Variants in TMEM161B observed in about 807,000 individuals in gnomAD.
TMEM161B encodes the protein transmembrane protein 161B.
TMEM161B carries 34 observed loss-of-function variants against 61.8 expected under a neutral mutation model. The observed-to-expected ratio is 0.55, with a 90% CI of 0.42 to 0.73. The LOEUF (loss-of-function observed/expected upper bound fraction) is 0.73. Among genes scored for constraint, TMEM161B ranks in the 30% least tolerant of loss-of-function variants. The pLI, the probability that TMEM161B is intolerant of heterozygous loss-of-function variation, is 0.00. For missense variants in TMEM161B, 456 were observed against 558.5 expected, an observed-to-expected ratio of 0.82 and a Z score of 1.85; for synonymous variants, 167 against 192.8, an observed-to-expected ratio of 0.87 and a Z score of 1.11.
intron 5 of TMEM161B, among the ~76,000 whole-genome samples, chr5:88,219,628 T>C (rs1748548916): frequency 6.6e-6 from 1 of 152,020 alleles, no homozygotes; most frequent in African/African-American, 2.4e-5. Flanking sequence ...AGGCGAAGGA[T>C]AGGTATACAT....
chr5:88,215,273 G>A (rs1013600124), intron 5 of TMEM161B, among the ~76,000 whole-genome samples: 1 of 152,086 alleles, frequency 6.6e-6, no homozygotes, highest in Non-Finnish European at 1.5e-5. Context: ...TACTAAGTAG[G>A]CACATACAAT....
chr5:88,227,438 T>C (rs1313767228), intron 3 of TMEM161B, among the ~76,000 whole-genome samples: 1 of 152,156 alleles, frequency 6.6e-6, no homozygotes, highest in Non-Finnish European at 1.5e-5. Flanking sequence ...TGTATAAAAG[T>C]GCTCTGGAAA....
In TMEM161B at chr5:88,206,507, GGAA is replaced by G. The variant is rs757067676; in HGVS notation, c.599-11_599-9del. ...CTGAAAAATTTGTAAACCCTGTGGGGGAAAAAAAAAAAAACAACAGATTACTCT... is the reference window on the plus strand; with the variant it reads ...CTGAAAAATTTGTAAACCCTGTGGGGAAAAAAAAAAACAACAGATTACTCT... On this transcript the variant is annotated splice_polypyrimidine_tract_variant and intron_variant, in intron 6 of 11. Coordinates refer to ENST00000296595, the MANE Select transcript of TMEM161B (RefSeq NM_153354.5). The G allele has an allele frequency of 6.3e-5, 79 of 1,245,488 alleles. No individual in the cohort carries two copies. Among genetic ancestry groups the G allele is most frequent in the Middle Eastern group, 2.2e-4 (1 of 4,496 alleles). 77.2% of individuals were successfully genotyped at this position (1,245,488 alleles called of 1,614,324 possible).
At position 88,205,862 on chromosome 5, in the gene TMEM161B, G is replaced by A; in HGVS notation, c.752C>T (p.Ala251Val). The A allele has an allele frequency of 6.2e-7, 1 of 1,612,820 alleles. No individual in the cohort carries two copies. The change falls in exon 8 of 12, where the codon GCT becomes GTT. Residue 251 changes from alanine to valine, a missense_variant. Physicochemically the swap from Ala to Val is moderately conservative, Grantham distance 64. Transcript: ENST00000296595. Reference sequence around the variant, plus strand: ...ATTCAGGGCATCCAGATGCATTTGAGCCAGTCGTAATCCAGGAAATGTCAA... The same window carrying A: ...ATTCAGGGCATCCAGATGCATTTGAACCAGTCGTAATCCAGGAAATGTCAA... Reference protein sequence around the residue: ...AFLTFPGLRLAQMHLDALNLA... With the variant: ...AFLTFPGLRLVQMHLDALNLA...
chr5:88,190,482 G>C (rs112914232), downstream of TMEM161B, among the ~76,000 whole-genome samples: 1,949 of 152,210 alleles, frequency 0.013, 20 homozygotes, highest in Middle Eastern at 0.024. Flanking sequence ...CCTCTACCTG[G>C]AGAAAGTCCT....
intron 5 of TMEM161B, among the ~76,000 whole-genome samples, chr5:88,218,360 G>T (rs561860213): frequency 6.6e-6 from 1 of 152,220 alleles, no homozygotes; most frequent in African/African-American, 2.4e-5. Context: ...TCAGTTCACA[G>T]ACTGGTAAAG....
exon 13 of TMEM161B, chr5:88,189,995 C>T (rs914914251): frequency 2.7e-5 from 19 of 692,196 alleles, no homozygotes; most frequent in African/African-American, 1.4e-4. Flanking sequence ...CAGCCACAAA[C>T]GCCAGCCCAT....
Position 88,268,728 on chromosome 5 carries a change from C to T in TMEM161B, c.-5G>A, listed in dbSNP as rs1756765346. On this transcript the variant is annotated 5_prime_UTR_variant, in exon 1 of 12. Transcript: ENST00000296595. ...CCTCACAGAAGAACTCACCATGGCG[C>T]CTAGGATAGGTCGTGGACCAGACAC... 6.2e-7 allele frequency: 1 copy of T among 1,614,014 alleles called. No homozygotes were observed. The highest frequency in any genetic ancestry group is 1.3e-5 in the African/African-American group (1 of 74,932).
intron 1 of TMEM161B, among the ~76,000 whole-genome samples, chr5:88,261,730 CAAAAA>C (rs70996464): frequency 2.0e-5 from 1 of 49,292 alleles, no homozygotes; most frequent in Non-Finnish European, 3.5e-5. Context: ...CATTCATGTG[CAAAAA>C]AAAAAAAAAA....
chr5:88,257,697 C>T (rs1755156990), intron 1 of TMEM161B, among the ~76,000 whole-genome samples: 1 of 152,154 alleles, frequency 6.6e-6, no homozygotes, highest in African/African-American at 2.4e-5. Flanking sequence ...TTCTAAACCA[C>T]CATCAAAGCC....
chr5:88,236,782 C>T (rs947594921), intron 2 of TMEM161B, among the ~76,000 whole-genome samples: 1 of 152,012 alleles, frequency 6.6e-6, no homozygotes, highest in Non-Finnish European at 1.5e-5. Flanking sequence ...ATGGAGAATC[C>T]ATAAGAACAT....
At chr5:88,240,651 T>A (rs1259556291) in intron 2 of TMEM161B, among the ~76,000 whole-genome samples, 162 bp downstream of exon 2, 2 of 150,788 alleles carry the variant, frequency 1.3e-5, no homozygotes, top group Admixed American at 1.3e-4. Flanking sequence ...CAAGGTCTTG[T>A]CTCCAAAAAA....
chr5:88,268,085 T>C (rs956654201), intron 1 of TMEM161B, among the ~76,000 whole-genome samples: 2 of 152,166 alleles, frequency 1.3e-5, no homozygotes, highest in Admixed American at 1.3e-4. Context: ...TGCCTAACCT[T>C]TAAGGTGCAT....
At chr5:88,255,340 G>T (rs62369789) in intron 1 of TMEM161B, among the ~76,000 whole-genome samples, 2 of 152,112 alleles carry the variant, frequency 1.3e-5, no homozygotes, top group African/African-American at 4.8e-5. Context: ...GCCTTCACTG[G>T]TTTTCTAACA....
intron 2 of TMEM161B, among the ~76,000 whole-genome samples, chr5:88,233,133 G>A (rs990941291): frequency 2.6e-5 from 4 of 152,170 alleles, no homozygotes; most frequent in Non-Finnish European, 5.9e-5. Flanking sequence ...TACTCTGCTA[G>A]GCAGAGGAGA....
chr5:88,219,072 T>C (rs1748443854), intron 5 of TMEM161B, among the ~76,000 whole-genome samples: 1 of 152,148 alleles, frequency 6.6e-6, no homozygotes, highest in African/African-American at 2.4e-5. Flanking sequence ...CAATCTAGAC[T>C]GGGGCTTATC....
At chr5:88,267,766 C>T (rs1756592924) in intron 1 of TMEM161B, among the ~76,000 whole-genome samples, 1 of 152,160 alleles carries the variant, frequency 6.6e-6, no homozygotes. Context: ...TTACCTATAA[C>T]AAGGCCATAA....
intron 9 of TMEM161B, chr5:88,201,477 T>C (rs567986922): frequency 1.3e-5 from 2 of 152,146 alleles, no homozygotes; most frequent in Non-Finnish European, 2.9e-5. Flanking sequence ...CAGCAACAAA[T>C]GGACAATTAC....
rs1271735101 is a variant in TMEM161B, at chr5:88,189,657, A to AT, written c.*394dup. On this transcript the variant is annotated 3_prime_UTR_variant, in exon 13 of 13. Coordinates refer to the TMEM161B transcript ENST00000514135. ...CATTTACCCAGGCTGAGATTGTGTA[A>AT]TTTTTCCTAAAGCCTGTAGCTGTCG... The AT allele has an allele frequency of 3.1e-5, 5 of 162,970 alleles. No individual in the cohort carries two copies. In the Admixed American group the frequency reaches 3.1e-4, roughly 10 times the overall value. The allele number at this position is 162,970 out of a possible 1,614,324, so 10.1% of individuals were successfully genotyped here. A position where few individuals can be genotyped will look rare whatever the true frequency, so the allele number is the denominator to read the frequency against.
Sources: gnomAD v4.1 joint callset for allele counts (sites outside exome capture counted in the v4.1 genomes callset) on GRCh38, gnomAD v4.1.1 for gene constraint, MANE v1.5 for transcripts, NCBI Gene and HGNC (gene_info 2026-07-23, HGNC 2026-07-21) for gene names.